The following DOCK1 variants were observed in gnomAD, a reference collection of about 807,000 sequenced individuals.
DOCK1 encodes the protein dedicator of cytokinesis protein 1.
Under a neutral mutation model 262.7 loss-of-function variants are expected in DOCK1, and 138 were observed. The ratio of observed to expected loss-of-function variants is 0.53; its 90% CI spans 0.46 to 0.61. The LOEUF (loss-of-function observed/expected upper bound fraction) is 0.61. Ranked by LOEUF, DOCK1 falls within the 20% of genes least tolerant of loss-of-function variation. DOCK1 has a pLI of 0.00. For missense variants in DOCK1, 1,908 were observed against 2,370.7 expected, an observed-to-expected ratio of 0.80 and a Z score of 4.05; for synonymous variants, 866 against 867.4, an observed-to-expected ratio of 1.00 and a Z score of 0.03.
intron 38 of DOCK1, among the ~76,000 whole-genome samples, chr10:127,391,561 C>T (rs942088614): frequency 5.3e-5 from 8 of 152,140 alleles, no homozygotes; most frequent in African/African-American, 1.9e-4. Flanking sequence ...CCGGGCTTAG[C>T]AAGGATAAGT....
intron 27 of DOCK1, among the ~76,000 whole-genome samples, chr10:127,214,976 C>T (rs142976678): frequency 1.2e-4 from 18 of 152,246 alleles, no homozygotes; most frequent in African/African-American, 4.3e-4. Flanking sequence ...CGCTCCTTTC[C>T]GCCTCACGTG....
intron 23 of DOCK1, among the ~76,000 whole-genome samples, chr10:127,073,000 A>G (rs2046320101): frequency 6.6e-6 from 1 of 152,210 alleles, no homozygotes; most frequent in South Asian, 2.1e-4. Flanking sequence ...TTCTCAAGTG[A>G]ACTGAAGATA....
At chr10:127,255,846 C>A (rs1253977446) in intron 28 of DOCK1, among the ~76,000 whole-genome samples, 1 of 152,194 alleles carries the variant, frequency 6.6e-6, no homozygotes, top group Non-Finnish European at 1.5e-5. Flanking sequence ...TTACGGTACT[C>A]AGCCTACAAA....
At chr10:127,266,727 A>G (rs2060373021) in intron 29 of DOCK1, among the ~76,000 whole-genome samples, 1 of 152,168 alleles carries the variant, frequency 6.6e-6, no homozygotes, top group African/African-American at 2.4e-5. Flanking sequence ...GAAACTCAGT[A>G]TAGTGAAAAC....
intron 27 of DOCK1, among the ~76,000 whole-genome samples, chr10:127,245,858 T>C (rs1203947361): frequency 6.6e-6 from 1 of 152,222 alleles, no homozygotes; most frequent in African/African-American, 2.4e-5. Flanking sequence ...TAGCTGACTT[T>C]GTGATTTCAT....
At chr10:127,040,693 C>T (rs1477845863) in intron 19 of DOCK1, among the ~76,000 whole-genome samples, 1 of 152,200 alleles carries the variant, frequency 6.6e-6, no homozygotes, top group Non-Finnish European at 1.5e-5. Context: ...AACCAAACAC[C>T]TGACCCAGCC....
intron 19 of DOCK1, among the ~76,000 whole-genome samples, chr10:127,039,940 C>A (rs1025116977): frequency 1.3e-5 from 2 of 152,190 alleles, no homozygotes; most frequent in African/African-American, 2.4e-5. Flanking sequence ...CCAGATGAAG[C>A]CCTTTCATGG....
At chr10:127,009,570 C>T (rs986428710) in intron 11 of DOCK1, among the ~76,000 whole-genome samples, 3 of 152,094 alleles carry the variant, frequency 2.0e-5, no homozygotes, top group Non-Finnish European at 4.4e-5. Context: ...GAGACAGCTT[C>T]CTCCTGGGCG....
chr10:127,220,356 C>T (rs531398977), intron 27 of DOCK1, among the ~76,000 whole-genome samples: 39 of 151,966 alleles, frequency 2.6e-4, no homozygotes, highest in Admixed American at 2.1e-3. Flanking sequence ...GGCCCAGGGA[C>T]GTGTGTGTTG....
intron 13 of DOCK1, among the ~76,000 whole-genome samples, chr10:127,021,876 A>G (rs1043373759): frequency 5.9e-5 from 9 of 152,146 alleles, no homozygotes; most frequent in Admixed American, 2.0e-4. Context: ...AAAGAGAGTT[A>G]TTTTCCTTAA....
chr10:127,354,406 G>A (rs1012692349), intron 31 of DOCK1, among the ~76,000 whole-genome samples: 1 of 152,186 alleles, frequency 6.6e-6, no homozygotes, highest in Non-Finnish European at 1.5e-5. Flanking sequence ...AAAGGGAAAT[G>A]CTTTCATGAC....
At chr10:127,042,798 G>A (rs1181301993) in intron 20 of DOCK1, 84 bp downstream of exon 20, 19 of 1,403,206 alleles carry the variant, frequency 1.4e-5, no homozygotes, top group South Asian at 4.7e-5. Context: ...CGGGGGCTTC[G>A]TCACAGTGAC....
chr10:127,377,907 A>AG (rs955725630), intron 35 of DOCK1, among the ~76,000 whole-genome samples: 9 of 151,462 alleles, frequency 5.9e-5, no homozygotes, highest in East Asian at 1.9e-4. Context: ...AAAAAAAAAA[A>AG]AAGAAGAAAG....
At chr10:126,986,254 C>T (rs964977936) in intron 4 of DOCK1, among the ~76,000 whole-genome samples, 28 of 152,170 alleles carry the variant, frequency 1.8e-4, no homozygotes, top group African/African-American at 5.8e-4. Context: ...CCAGGGTCCC[C>T]GTTGTCTGTT....
intron 29 of DOCK1, among the ~76,000 whole-genome samples, chr10:127,280,135 C>T (rs1039464406): frequency 8.7e-5 from 13 of 150,074 alleles, no homozygotes; most frequent in Non-Finnish European, 1.3e-4. Context: ...CCCGGGTTCA[C>T]GCCATTCTCC....
At chr10:126,931,914 C>T (rs953969387) in intron 1 of DOCK1, among the ~76,000 whole-genome samples, 2 of 152,160 alleles carry the variant, frequency 1.3e-5, no homozygotes, top group South Asian at 4.1e-4. Flanking sequence ...TCAATCTCCC[C>T]TTCCAGAGGT....
chr10:127,181,586 C>G (rs2055739464), intron 27 of DOCK1, among the ~76,000 whole-genome samples: 1 of 152,166 alleles, frequency 6.6e-6, no homozygotes, highest in African/African-American at 2.4e-5. Context: ...TTCCTAGTGG[C>G]TTTCTCACTG....
intron 48 of DOCK1, 78 bp downstream of exon 48, chr10:127,433,506 G>T: frequency 6.7e-7 from 1 of 1,501,362 alleles, no homozygotes; most frequent in Non-Finnish European, 8.9e-7. Flanking sequence ...AGGGCTCTGG[G>T]TTTATTTTCT....
At chr10:127,194,409 C>T (rs2056956425) in intron 27 of DOCK1, among the ~76,000 whole-genome samples, 1 of 152,068 alleles carries the variant, frequency 6.6e-6, no homozygotes, top group Middle Eastern at 3.4e-3. Context: ...ATCATTCTTG[C>T]AAAAAAATTG....
Sources: allele counts gnomAD v4.1 joint callset (sites outside exome capture counted in the v4.1 genomes callset), GRCh38; gene constraint gnomAD v4.1.1; transcripts MANE v1.5; gene names NCBI Gene and HGNC (gene_info 2026-07-23, HGNC 2026-07-21).